CENPE: variants seen among roughly 807,000 people sequenced by gnomAD.
The protein encoded by CENPE is centromere-associated protein E.
CENPE carries 145 observed loss-of-function variants against 336.1 expected under a neutral mutation model. The observed-to-expected ratio is 0.43, with a 90% CI of 0.38 to 0.50. The LOEUF (loss-of-function observed/expected upper bound fraction) is 0.50, where lower values mean the gene tolerates loss of function less well. Among genes scored for constraint, CENPE ranks in the 20% least tolerant of loss-of-function variants. The pLI is 0.00. For missense variants in CENPE, 2,719 were observed against 3,023.3 expected, an observed-to-expected ratio of 0.90 and a Z score of 2.36; for synonymous variants, 1,013 against 984.8, an observed-to-expected ratio of 1.03 and a Z score of -0.54.
chr4:103,114,440 G>C lies in CENPE; in HGVS notation c.7540+15C>G. The C allele has an allele frequency of 6.8e-7, 1 of 1,463,388 alleles. No individual in the cohort carries two copies. The highest frequency in any genetic ancestry group is 9.6e-7 in the Non-Finnish European group (1 of 1,044,878). 90.7% of individuals were successfully genotyped at this position (1,463,388 alleles called of 1,614,324 possible). Reference sequence around the variant, plus strand: ...AGTAAAATTTCATCTGAAAATATCTGCATTTTCTACTTACCTGAGGTATCT... The same window carrying C: ...AGTAAAATTTCATCTGAAAATATCTCCATTTTCTACTTACCTGAGGTATCT... On this transcript the variant is annotated intron_variant, in intron 46 of 48. Coordinates refer to ENST00000265148, the MANE Select transcript of CENPE (RefSeq NM_001813.3).
At chr4:103,185,306 G>C (rs59538336) in intron 9 of CENPE, among the ~76,000 whole-genome samples, 1 of 72,580 alleles carries the variant, frequency 1.4e-5, no homozygotes, top group Non-Finnish European at 2.9e-5. Context: ...GTCTGCCTTA[G>C]AAAAAAAAAA....
At chr4:103,125,054 T>G (rs1232268570) in intron 42 of CENPE, among the ~76,000 whole-genome samples, 1 of 152,238 alleles carries the variant, frequency 6.6e-6, no homozygotes, top group Non-Finnish European at 1.5e-5. Context: ...TGTGCCTTTC[T>G]CTACTGATTG....
chr4:103,154,959 C>A (rs944918269), intron 24 of CENPE, among the ~76,000 whole-genome samples: 2 of 152,096 alleles, frequency 1.3e-5, no homozygotes, highest in Admixed American at 6.6e-5. Flanking sequence ...AGGGGAGCAC[C>A]TGGAAATCCC....
At chr4:103,138,667 T>C (rs1752282855) in intron 38 of CENPE, among the ~76,000 whole-genome samples, 1 of 152,044 alleles carries the variant, frequency 6.6e-6, no homozygotes, top group South Asian at 2.1e-4. Flanking sequence ...AGTAGAAAAA[T>C]CATCTAATTT....
At chr4:103,140,445 A>G in intron 36 of CENPE, 31 bp from the exon 37 acceptor site, 1 of 1,467,676 alleles carries the variant, frequency 6.8e-7, no homozygotes, top group Non-Finnish European at 9.2e-7. Flanking sequence ...AAGAAATGTA[A>G]TGATATAAAG....
intron 34 of CENPE, among the ~76,000 whole-genome samples, chr4:103,142,344 A>T (rs1468582303): frequency 6.6e-6 from 1 of 152,246 alleles, no homozygotes; most frequent in South Asian, 2.1e-4. Flanking sequence ...TTTCAAGAAC[A>T]GTACCAAATT....
intron 24 of CENPE, among the ~76,000 whole-genome samples, chr4:103,157,219 T>C (rs1000198729): frequency 2.0e-4 from 31 of 152,008 alleles, no homozygotes; most frequent in Non-Finnish European, 2.9e-4. Context: ...CCATATAACC[T>C]AGCAATTCCA....
intron 24 of CENPE, among the ~76,000 whole-genome samples, chr4:103,154,675 T>C (rs755709935): frequency 2.6e-5 from 4 of 152,124 alleles, no homozygotes; most frequent in Non-Finnish European, 5.9e-5. Context: ...TTATTTCAAA[T>C]CTGAACTCAG....
At chr4:103,145,727 A>C in intron 30 of CENPE, 46 bp from the exon 31 acceptor site, 1 of 1,517,854 alleles carries the variant, frequency 6.6e-7, no homozygotes, top group Non-Finnish European at 8.8e-7. Context: ...AAACATTATA[A>C]CTATTTTGTT....
At position 103,153,031 on chromosome 4, in the gene CENPE, CA is replaced by C. The variant is rs1753684799; in HGVS notation, c.3237+15del. On this transcript the variant is annotated intron_variant, in intron 25 of 48. Transcript: ENST00000265148. ...AGACAAAAAGGTAATGCCAAGTATACAGTGCTAAATCCTACCATTTCAATAT... is the reference window on the plus strand; with the variant it reads ...AGACAAAAAGGTAATGCCAAGTATACGTGCTAAATCCTACCATTTCAATAT... 1 of 1,566,702 alleles carries C rather than the reference CA, an allele frequency of 6.4e-7. No homozygotes were observed.
At chr4:103,149,487 C>T (rs1388071886) in intron 26 of CENPE, 79 bp from the exon 27 acceptor site, 2 of 1,229,204 alleles carry the variant, frequency 1.6e-6, no homozygotes, top group Non-Finnish European at 2.2e-6. Flanking sequence ...ACAGCCTTGC[C>T]TCCTATCAGC....
At chr4:103,152,690 AAG>A (rs1205815560) in intron 25 of CENPE, among the ~76,000 whole-genome samples, 1 of 152,330 alleles carries the variant, frequency 6.6e-6, no homozygotes, top group East Asian at 1.9e-4. Flanking sequence ...TTGGCAGTAA[AAG>A]GGAGTGTAGA....
In CENPE at chr4:103,141,816, C is replaced by T. The variant is rs1431557107; in HGVS notation, c.5397G>A (p.Glu1799=). Residue 1799 remains glutamate (E), a synonymous_variant, in exon 35 of 49, where the codon GAG becomes GAA. Coordinates refer to ENST00000265148, the MANE Select transcript of CENPE (RefSeq NM_001813.3). ...GCATATTTGATAGTTTATCTGTCTT[C>T]TCAGAAACAATTCCTCTGAGTTTGT... ...TIDKLRGIVS[E]KTDKLSNMQK... 1 of 1,585,910 alleles carries T rather than the reference C, an allele frequency of 6.3e-7. No individual in the cohort carries two copies. Among genetic ancestry groups the T allele is most frequent in the South Asian group, 1.1e-5 (1 of 89,082 alleles).
Position 103,120,516 on chromosome 4 carries a change from T to G in CENPE, c.7144-183A>C, listed in dbSNP as rs116718624. ...CATGTTATTTCCCTCATTTAGATGA[T>G]GATTTTTGGATTGAAAATGTCAAAG... is the stretch of plus-strand genomic sequence containing the variant. On this transcript the variant is annotated intron_variant, in intron 43 of 48. Coordinates refer to ENST00000265148, the MANE Select transcript of CENPE (RefSeq NM_001813.3). Among the ~76,000 whole-genome samples, 596 of 152,322 alleles carry G rather than the reference T, an allele frequency of 3.9e-3. 3 individuals are homozygous for G. Among genetic ancestry groups the G allele is most frequent in the African/African-American group, 0.014 (562 of 41,568 alleles).
At chr4:103,128,753 T>G (rs1309575506) in intron 42 of CENPE, among the ~76,000 whole-genome samples, 1 of 152,132 alleles carries the variant, frequency 6.6e-6, no homozygotes, top group African/African-American at 2.4e-5. Flanking sequence ...TTTATAGCAT[T>G]GAATACCAGT....
chr4:103,120,338 T>C lies in CENPE; in HGVS notation c.7144-5A>G. On this transcript the variant is annotated splice_region_variant and splice_polypyrimidine_tract_variant and intron_variant, in intron 43 of 48. Transcript: ENST00000265148. ...ATTTTCCAGCTCTCGAATTTTCTATTAGAAAAAGCACACATTCATAAGCTC... is the reference window on the plus strand; with the variant it reads ...ATTTTCCAGCTCTCGAATTTTCTATCAGAAAAAGCACACATTCATAAGCTC... 6.2e-7 allele frequency: 1 copy of C among 1,603,704 alleles called. No individual in the cohort carries two copies. The highest frequency in any genetic ancestry group is 2.2e-5 in the East Asian group (1 of 44,648).
chr4:103,191,122 G>A (rs1008443415), intron 8 of CENPE, among the ~76,000 whole-genome samples: 1 of 152,148 alleles, frequency 6.6e-6, no homozygotes, highest in Admixed American at 6.5e-5. Context: ...AGTTAGAATG[G>A]CAATCGTTAA....
intron 39 of CENPE, among the ~76,000 whole-genome samples, chr4:103,138,069 T>C (rs974618253): frequency 1.3e-5 from 2 of 152,232 alleles, no homozygotes; most frequent in Middle Eastern, 3.2e-3. Flanking sequence ...TTGCCTATAA[T>C]GGTCTTTTCA....
intron 21 of CENPE, among the ~76,000 whole-genome samples, chr4:103,159,949 C>T (rs2615539): frequency 2.6e-5 from 4 of 151,528 alleles, no homozygotes; most frequent in East Asian, 1.9e-4. Context: ...AAAGTAAAGA[C>T]GGGCAATACA....
Sources: allele counts gnomAD v4.1 joint callset (sites outside exome capture counted in the v4.1 genomes callset), GRCh38; gene constraint gnomAD v4.1.1; transcripts MANE v1.5; gene names NCBI Gene and HGNC (gene_info 2026-07-23, HGNC 2026-07-21).